The following EYS variants were observed in gnomAD, a reference collection of about 807,000 sequenced individuals.
EYS encodes the protein EGF-like photoreceptor maintenance factor.
Under a neutral mutation model 282.1 loss-of-function variants are expected in EYS, and 250 were observed. The ratio of observed to expected loss-of-function variants is 0.89; its 90% confidence interval spans 0.80 to 0.98. The LOEUF (loss-of-function observed/expected upper bound fraction) is 0.98, where lower values mean the gene tolerates loss of function less well. Ranked by LOEUF, EYS falls within the 50% of genes least tolerant of loss-of-function variation. The pLI, the probability that EYS is intolerant of heterozygous loss-of-function variation, is 0.00. For missense variants in EYS, 4,016 were observed against 3,709.0 expected (o/e 1.08, Z -2.15); for synonymous variants, 1,355 against 1,282.9 (o/e 1.06, Z -1.20).
intron 24 of EYS, among the ~76,000 whole-genome samples, chr6:64,605,285 A>G (rs1442359202): frequency 4.6e-5 from 7 of 151,828 alleles, no homozygotes; most frequent in Admixed American, 3.3e-4. Flanking sequence ...CACTAACTAC[A>G]TTTGTAGATA....
chr6:65,019,348 G>A (rs1772168701), intron 13 of EYS, among the ~76,000 whole-genome samples: 1 of 151,910 alleles, frequency 6.6e-6, no homozygotes, highest in African/African-American at 2.4e-5. Context: ...TTATTTTTCT[G>A]TCATATCTAT....
chr6:64,009,866 T>G (rs1455967918), intron 33 of EYS, among the ~76,000 whole-genome samples: 1 of 152,204 alleles, frequency 6.6e-6, no homozygotes. Flanking sequence ...TGATATTCTT[T>G]CAGTCTTTGA....
At chr6:65,621,673 A>G (rs1766500135) in intron 2 of EYS, among the ~76,000 whole-genome samples, 1 of 151,470 alleles carries the variant, frequency 6.6e-6, no homozygotes, top group Non-Finnish European at 1.5e-5. Flanking sequence ...TTTTGGCATG[A>G]TTTTGCAGCG....
At chr6:65,177,346 G>T (rs1355445324) in intron 12 of EYS, among the ~76,000 whole-genome samples, 2 of 151,704 alleles carry the variant, frequency 1.3e-5, no homozygotes, top group African/African-American at 4.8e-5. Context: ...AATAGTTCAT[G>T]GCATATACCC....
chr6:65,306,717 C>T (rs1190968283), intron 11 of EYS, among the ~76,000 whole-genome samples: 3 of 143,910 alleles, frequency 2.1e-5, no homozygotes, highest in East Asian at 4.1e-4. Flanking sequence ...CCTGTAGTCC[C>T]AGCTACTTGG....
chr6:63,907,544 T>C (rs144154707), intron 35 of EYS, among the ~76,000 whole-genome samples: 145 of 152,350 alleles, frequency 9.5e-4, no homozygotes, highest in African/African-American at 3.3e-3. Context: ...ATAGCCCTTT[T>C]CTGTGTTCCT....
intron 12 of EYS, among the ~76,000 whole-genome samples, chr6:65,256,274 CTTTT>C (rs899224134): frequency 1.6e-5 from 2 of 125,634 alleles, no homozygotes; most frequent in Non-Finnish European, 3.3e-5. Context: ...TTTTTTTTTT[CTTTT>C]TTTTTTTTAA....
intron 29 of EYS, among the ~76,000 whole-genome samples, chr6:64,374,044 A>G (rs1014674658): frequency 1.3e-5 from 2 of 151,984 alleles, no homozygotes; most frequent in African/African-American, 4.8e-5. Flanking sequence ...AAGCAGGACC[A>G]CTTGGCTGGA....
chr6:65,491,971 G>A (rs866972249), intron 4 of EYS, among the ~76,000 whole-genome samples: 1 of 152,096 alleles, frequency 6.6e-6, no homozygotes, highest in African/African-American at 2.4e-5. Flanking sequence ...GCAGTCTATG[G>A]ACCAAGCAAA....
chr6:64,627,093 A>G (rs1246977046), intron 22 of EYS, among the ~76,000 whole-genome samples: 2 of 152,210 alleles, frequency 1.3e-5, no homozygotes, highest in Non-Finnish European at 2.9e-5. Flanking sequence ...GATCCACAAT[A>G]TTGATTAAAG....
chr6:64,016,489 AT>A (rs11358904), intron 33 of EYS, among the ~76,000 whole-genome samples: 1,615 of 138,324 alleles, frequency 0.012, 17 homozygotes, highest in African/African-American at 0.03. Context: ...TACCTTTTTG[AT>A]TTTTTTTTTT....
intron 26 of EYS, among the ~76,000 whole-genome samples, chr6:64,458,176 T>A (rs956352440): frequency 1.3e-5 from 2 of 152,126 alleles, no homozygotes; most frequent in African/African-American, 4.8e-5. Context: ...TGATAGTTTT[T>A]CAAACCTTTA....
At chr6:64,381,865 T>G (rs1329775549) in intron 29 of EYS, among the ~76,000 whole-genome samples, 1 of 152,208 alleles carries the variant, frequency 6.6e-6, no homozygotes, top group East Asian at 1.9e-4. Context: ...ATCCCCTTTT[T>G]GTCAGGGCAA....
At chr6:64,886,235 T>G (rs2150062962) in intron 19 of EYS, among the ~76,000 whole-genome samples, 1 of 152,028 alleles carries the variant, frequency 6.6e-6, no homozygotes, top group African/African-American at 2.4e-5. Context: ...TTGGATAAAA[T>G]TTATGCTGTG....
rs1774775376 is a variant in EYS at position 64,437,082 on chromosome 6, A to G, written c.5836-817T>C. Among the ~76,000 whole-genome samples the G allele has an allele frequency of 2.7e-5, 4 of 149,444 alleles. No individual in the cohort carries two copies. In the South Asian group the frequency reaches 8.6e-4, roughly 32 times the overall value. On this transcript the variant is annotated intron_variant, in intron 27 of 42. Transcript: ENST00000503581. ...ATAGTCCAAAGATAAAGATAATGCT[A>G]TATATTTTAACTTTTTATGATATTT...
At chr6:64,034,761 T>G (rs564940247) in intron 33 of EYS, among the ~76,000 whole-genome samples, 1 of 152,220 alleles carries the variant, frequency 6.6e-6, no homozygotes, top group African/African-American at 2.4e-5. Context: ...ATAATCCATC[T>G]ATGGCATTAA....
intron 31 of EYS, among the ~76,000 whole-genome samples, chr6:64,214,810 G>A (rs1217092050): frequency 6.6e-6 from 1 of 151,900 alleles, no homozygotes; most frequent in Admixed American, 6.6e-5. Context: ...TAATGGAAGG[G>A]AATTACAACA....
At chr6:65,039,311 TA>T (rs1225615697) in intron 13 of EYS, among the ~76,000 whole-genome samples, 1 of 151,578 alleles carries the variant, frequency 6.6e-6, no homozygotes. Flanking sequence ...GAAAATAAAT[TA>T]ATTGTATAAG....
chr6:65,475,858 C>T (rs1053827742), intron 5 of EYS, among the ~76,000 whole-genome samples: 1 of 151,562 alleles, frequency 6.6e-6, no homozygotes, highest in Non-Finnish European at 1.5e-5. Flanking sequence ...TAAATTTATT[C>T]CATTTTTAAA....
Sources: gnomAD v4.1 joint callset for allele counts (sites outside exome capture counted in the v4.1 genomes callset) on GRCh38, gnomAD v4.1.1 for gene constraint, MANE v1.5 for transcripts, NCBI Gene and HGNC (gene_info 2026-07-23, HGNC 2026-07-21) for gene names.